The following RBFOX1 variants were observed in gnomAD, a reference collection of about 807,000 sequenced individuals.
The protein encoded by RBFOX1 is RNA binding fox-1 homolog 1.
Under a neutral mutation model 57.7 loss-of-function variants are expected in RBFOX1, and 8 were observed. The observed-to-expected ratio is 0.14, with a 90% CI of 0.08 to 0.25. The LOEUF (loss-of-function observed/expected upper bound fraction) is 0.25. Ranked by LOEUF, RBFOX1 falls within the 10% of genes least tolerant of loss-of-function variation. RBFOX1 has a pLI of 1.00. For missense variants in RBFOX1, 611 were observed against 548.5 expected (o/e 1.11, Z -1.14); for synonymous variants, 326 against 222.4 (o/e 1.47, Z -4.15).
chr16:6,940,336 C>G (rs1248432038), intron 3 of RBFOX1, among the ~76,000 whole-genome samples: 1 of 152,180 alleles, frequency 6.6e-6, no homozygotes, highest in African/African-American at 2.4e-5. Flanking sequence ...TTGGGAGATG[C>G]TTAAAAGCAA....
At chr16:5,968,351 C>T (rs546651873) in intron 4 of RBFOX1, among the ~76,000 whole-genome samples, 7 of 152,132 alleles carry the variant, frequency 4.6e-5, no homozygotes, top group East Asian at 1.9e-4. Context: ...CTGGGATTAC[C>T]GGTGTGAGCC....
At chr16:5,891,315 G>A (rs1207924541) in intron 4 of RBFOX1, among the ~76,000 whole-genome samples, 1 of 152,162 alleles carries the variant, frequency 6.6e-6, no homozygotes, top group Non-Finnish European at 1.5e-5. Flanking sequence ...CCAGCTGATC[G>A]CAGCACACGT....
chr16:5,629,095 A>AG (rs993730956), intron 3 of RBFOX1, among the ~76,000 whole-genome samples: 2 of 127,224 alleles, frequency 1.6e-5, no homozygotes, highest in African/African-American at 5.0e-5. Context: ...AAAGAAAAAA[A>AG]GTGATGCTGT....
intron 4 of RBFOX1, among the ~76,000 whole-genome samples, chr16:7,173,691 A>G (rs1038023809): frequency 6.6e-6 from 1 of 152,222 alleles, no homozygotes; most frequent in Non-Finnish European, 1.5e-5. Flanking sequence ...GTGGAAACAC[A>G]TTTAGGATGT....
intron 2 of RBFOX1, among the ~76,000 whole-genome samples, chr16:6,504,547 G>A (rs2096036936): frequency 1.3e-5 from 2 of 152,150 alleles, no homozygotes; most frequent in South Asian, 4.1e-4. Flanking sequence ...GAGCTAGAAT[G>A]AGGGATGAGT....
intron 2 of RBFOX1, among the ~76,000 whole-genome samples, chr16:6,329,724 G>C (rs1482226930): frequency 6.6e-6 from 1 of 152,136 alleles, no homozygotes; most frequent in Non-Finnish European, 1.5e-5. Flanking sequence ...TTGAGGTCAG[G>C]AGTTCAAAAC....
At chr16:6,493,398 C>T (rs1368517124) in intron 2 of RBFOX1, among the ~76,000 whole-genome samples, 4 of 152,166 alleles carry the variant, frequency 2.6e-5, no homozygotes, top group African/African-American at 4.8e-5. Context: ...ACTTGTCATT[C>T]ATCGCCGGTA....
intron 1 of RBFOX1, among the ~76,000 whole-genome samples, chr16:6,081,614 G>T (rs369736868): frequency 6.6e-6 from 1 of 152,202 alleles, no homozygotes; most frequent in Admixed American, 6.5e-5. Flanking sequence ...AGCTTCCCGT[G>T]AGGTTGAACC....
At position 5,648,522 on chromosome 16, in the gene RBFOX1, C is replaced by A. The variant is rs561659814; in HGVS notation, c.318+49561C>A. 1.4e-4 allele frequency among the ~76,000 whole-genome samples: 22 copies of A among 152,000 alleles called. No individual in the cohort carries two copies. The East Asian group carries it at 3.9e-3, about 27-fold the overall frequency. On this transcript the variant is annotated intron_variant, in intron 3 of 19. Transcript: ENST00000641259. ...GTGACATTTTGCTTAGTACAACTTG[C>A]GGGGAGGTGGTACTGGCATCTAGTG...
chr16:6,767,932 T>TAAG (rs1247016398), intron 3 of RBFOX1, among the ~76,000 whole-genome samples: 140 of 94,838 alleles, frequency 1.5e-3, no homozygotes, highest in Middle Eastern at 4.7e-3. Flanking sequence ...ATAATAATAA[T>TAAG]AATAATAATA....
chr16:6,686,587 T>C (rs983081971), intron 3 of RBFOX1, among the ~76,000 whole-genome samples: 2 of 152,184 alleles, frequency 1.3e-5, no homozygotes, highest in Non-Finnish European at 1.5e-5. Flanking sequence ...CATTCTTCAA[T>C]AGGGGTGAGA....
At chr16:7,630,510 A>G in intron 10 of RBFOX1, 93 bp from the exon 11 acceptor site, 1 of 1,564,846 alleles carries the variant, frequency 6.4e-7, no homozygotes, top group Non-Finnish European at 8.6e-7. Context: ...CTATGTTTTC[A>G]TTTCTCTGCA....
chr16:6,617,620 C>T (rs1255361501), intron 2 of RBFOX1, among the ~76,000 whole-genome samples: 1 of 152,094 alleles, frequency 6.6e-6, no homozygotes, highest in Non-Finnish European at 1.5e-5. Flanking sequence ...TTACTAAATG[C>T]TTTGCATGTG....
At chr16:6,133,971 C>T (rs2096647946) in intron 1 of RBFOX1, among the ~76,000 whole-genome samples, 1 of 151,406 alleles carries the variant, frequency 6.6e-6, no homozygotes, top group African/African-American at 2.4e-5. Flanking sequence ...GAGTCTCATT[C>T]TGTCACCCAG....
intron 5 of RBFOX1, among the ~76,000 whole-genome samples, chr16:7,567,530 T>C (rs1243272598): frequency 8.7e-6 from 1 of 114,686 alleles, no homozygotes; most frequent in African/African-American, 3.1e-5. Context: ...TATATCCCTA[T>C]GTATGGCCCT....
intron 3 of RBFOX1, among the ~76,000 whole-genome samples, chr16:5,812,860 C>T (rs929450321): frequency 6.6e-6 from 1 of 152,112 alleles, no homozygotes; most frequent in African/African-American, 2.4e-5. Context: ...TGTTGAGTAT[C>T]TTTCAACTTC....
At chr16:5,405,078 T>C (rs545694631) in intron 1 of RBFOX1, among the ~76,000 whole-genome samples, 15 of 152,234 alleles carry the variant, frequency 9.9e-5, no homozygotes, top group Admixed American at 4.6e-4. Flanking sequence ...CAAAGAGAGG[T>C]TGAGCAGCTC....
chr16:5,887,619 G>C (rs1044044690), intron 4 of RBFOX1, among the ~76,000 whole-genome samples: 3 of 152,070 alleles, frequency 2.0e-5, no homozygotes, highest in African/African-American at 7.2e-5. Context: ...GGCCAGGCTG[G>C]CCTTGAACTC....
intron 5 of RBFOX1, 84 bp downstream of exon 5, chr16:7,518,473 C>T: frequency 6.6e-7 from 1 of 1,507,248 alleles, no homozygotes; most frequent in Non-Finnish European, 8.9e-7. Flanking sequence ...GCACCCCCAT[C>T]TACCCAGGGA....
Sources: gnomAD v4.1 joint callset for allele counts (sites outside exome capture counted in the v4.1 genomes callset) on GRCh38, gnomAD v4.1.1 for gene constraint, MANE v1.5 for transcripts, NCBI Gene and HGNC (gene_info 2026-07-23, HGNC 2026-07-21) for gene names.